Variants in KCNIP4 observed in about 807,000 individuals in gnomAD.
KCNIP4 encodes the protein Kv channel-interacting protein 4.
KCNIP4 carries 12 observed loss-of-function variants against 34.0 expected under a neutral mutation model. The observed-to-expected ratio is 0.35, with a 90% CI of 0.23 to 0.57. The LOEUF is 0.57. KCNIP4 is among the 20% of genes least tolerant of loss of function. The pLI is 0.83. For synonymous variants in KCNIP4, 124 were observed against 102.2 expected (o/e 1.21, Z -1.29); for missense variants, 238 against 311.7 (o/e 0.76, Z 1.78).
rs992997328 is a variant in KCNIP4 at position 20,944,627 on chromosome 4, G to C, written c.62-61918C>G. ...CTGCACTCATCATGGCAGAGACAAA[G>C]AAGGTTTGCGGGTTTGCCTGGCAGC... On this transcript the variant is annotated intron_variant, in intron 1 of 8. Transcript: ENST00000382152. 2.6e-5 allele frequency among the ~76,000 whole-genome samples: 4 copies of C among 152,212 alleles called. No homozygotes were observed. In the East Asian group the frequency reaches 7.7e-4, roughly 29 times the overall value.
intron 1 of KCNIP4, among the ~76,000 whole-genome samples, chr4:20,984,554 G>A (rs2083225539): frequency 6.6e-6 from 1 of 152,162 alleles, no homozygotes; most frequent in South Asian, 2.1e-4. Flanking sequence ...GCTTTTCCAG[G>A]GAGAAAAGTG....
intron 1 of KCNIP4, among the ~76,000 whole-genome samples, chr4:21,414,221 A>G (rs1724754213): frequency 1.3e-5 from 2 of 152,346 alleles, no homozygotes; most frequent in South Asian, 4.1e-4. Context: ...GGACAGTCTC[A>G]ATGAGATGGT....
chr4:20,868,717 C>A (rs963230371), intron 2 of KCNIP4, among the ~76,000 whole-genome samples: 3 of 152,054 alleles, frequency 2.0e-5, no homozygotes, highest in African/African-American at 4.8e-5. Context: ...AAGCCATAAT[C>A]CCAAGCAAAT....
chr4:21,249,349 T>C (rs929830373), intron 1 of KCNIP4, among the ~76,000 whole-genome samples: 1 of 152,112 alleles, frequency 6.6e-6, no homozygotes, highest in Non-Finnish European at 1.5e-5. Context: ...TCTCTTCCGA[T>C]GCATTAGTGA....
At chr4:21,870,057 G>A (rs1022590791) in intron 1 of KCNIP4, among the ~76,000 whole-genome samples, 5 of 152,180 alleles carry the variant, frequency 3.3e-5, no homozygotes, top group Non-Finnish European at 5.9e-5. Flanking sequence ...GGCAAGGTAA[G>A]TAAGATTAGG....
At chr4:21,801,998 G>C (rs1289235156) in intron 1 of KCNIP4, among the ~76,000 whole-genome samples, 1 of 151,754 alleles carries the variant, frequency 6.6e-6, no homozygotes, top group Non-Finnish European at 1.5e-5. Context: ...GGGTGCATAG[G>C]GTAGGGCACA....
At chr4:21,507,721 C>T (rs1437282630) in intron 1 of KCNIP4, among the ~76,000 whole-genome samples, 2 of 152,080 alleles carry the variant, frequency 1.3e-5, no homozygotes, top group Admixed American at 1.3e-4. Flanking sequence ...GTGCCTTTGG[C>T]TATGCTGATT....
chr4:21,484,837 A>G (rs962872083), intron 1 of KCNIP4, among the ~76,000 whole-genome samples: 1 of 152,060 alleles, frequency 6.6e-6, no homozygotes, highest in African/African-American at 2.4e-5. Flanking sequence ...TTGCTTATTT[A>G]TTTACTCATC....
At chr4:21,014,572 T>C (rs1331671869) in intron 1 of KCNIP4, among the ~76,000 whole-genome samples, 4 of 152,236 alleles carry the variant, frequency 2.6e-5, no homozygotes, top group South Asian at 2.1e-4. Flanking sequence ...TGAGATATTA[T>C]GCAATACCTC....
chr4:21,871,936 C>T (rs903035570), intron 1 of KCNIP4, among the ~76,000 whole-genome samples: 1 of 151,912 alleles, frequency 6.6e-6, no homozygotes, highest in African/African-American at 2.4e-5. Flanking sequence ...AACCACACTG[C>T]AGTTTTCCCT....
chr4:20,876,324 C>T (rs1330293752), intron 2 of KCNIP4, among the ~76,000 whole-genome samples: 2 of 151,984 alleles, frequency 1.3e-5, no homozygotes, highest in East Asian at 3.9e-4. Context: ...AGAACTGGGG[C>T]ATAGAGAGAT....
At chr4:20,981,573 G>A (rs1210991811) in intron 1 of KCNIP4, among the ~76,000 whole-genome samples, 11 of 152,092 alleles carry the variant, frequency 7.2e-5, no homozygotes, top group Non-Finnish European at 1.5e-4. Flanking sequence ...GCTTCTGCTC[G>A]CAGTTACATT....
At chr4:21,836,957 G>A (rs193192731) in intron 1 of KCNIP4, among the ~76,000 whole-genome samples, 1,540 of 136,802 alleles carry the variant, frequency 0.011, 17 homozygotes, top group Non-Finnish European at 0.019. Context: ...TGGCTCTGTC[G>A]CCTAGGCTGG....
chr4:21,374,862 C>A (rs1720826439), intron 1 of KCNIP4, among the ~76,000 whole-genome samples: 1 of 147,454 alleles, frequency 6.8e-6, no homozygotes, highest in Admixed American at 6.6e-5. Context: ...GAGCCTCAGG[C>A]ATGCTCCCCA....
At chr4:21,060,886 C>T (rs1009857135) in intron 1 of KCNIP4, among the ~76,000 whole-genome samples, 4 of 152,124 alleles carry the variant, frequency 2.6e-5, no homozygotes, top group African/African-American at 9.7e-5. Context: ...CAGCAGCAAG[C>T]ATTACCTTAA....
At chr4:21,697,040 A>T (rs1433682540) in intron 1 of KCNIP4, among the ~76,000 whole-genome samples, 1 of 151,570 alleles carries the variant, frequency 6.6e-6, no homozygotes, top group Non-Finnish European at 1.5e-5. Flanking sequence ...GAAGAGAAAA[A>T]CCCCTTGCAC....
intron 1 of KCNIP4, among the ~76,000 whole-genome samples, chr4:21,658,484 C>T (rs1430690603): frequency 6.6e-6 from 1 of 152,152 alleles, no homozygotes; most frequent in African/African-American, 2.4e-5. Flanking sequence ...GGCACGATCT[C>T]AGCTCACTGC....
At chr4:21,620,171 A>C (rs1744905372) in intron 1 of KCNIP4, among the ~76,000 whole-genome samples, 1 of 152,184 alleles carries the variant, frequency 6.6e-6, no homozygotes, top group Admixed American at 6.5e-5. Context: ...AAAAGTGTTA[A>C]GGAGAGTGAA....
At chr4:21,514,142 G>C (rs985362899) in intron 1 of KCNIP4, among the ~76,000 whole-genome samples, 1 of 152,164 alleles carries the variant, frequency 6.6e-6, no homozygotes, top group Non-Finnish European at 1.5e-5. Context: ...CCAGAAAAAT[G>C]TTAACTGTAA....
Sources: allele counts gnomAD v4.1 joint callset (sites outside exome capture counted in the v4.1 genomes callset), GRCh38; gene constraint gnomAD v4.1.1; transcripts MANE v1.5; gene names NCBI Gene and HGNC (gene_info 2026-07-23, HGNC 2026-07-21).